The following USP37 variants were observed in gnomAD, a reference collection of about 807,000 sequenced individuals.
USP37 encodes the protein ubiquitin carboxyl-terminal hydrolase 37.
In USP37, 27 loss-of-function variants were observed where a neutral mutation model predicts 124.0. The observed-to-expected ratio is 0.22, with a 90% CI of 0.16 to 0.30. The LOEUF is 0.30. USP37 is among the 10% of genes least tolerant of loss of function. The probability of loss-of-function intolerance (pLI) is 1.00; values close to 1 mark genes in which losing one functional copy is unlikely to be tolerated. For synonymous variants in USP37, 365 were observed against 388.0 expected, an observed-to-expected ratio of 0.94 and a Z score of 0.70; for missense variants, 889 against 1,140.4, an observed-to-expected ratio of 0.78 and a Z score of 3.17.
chr2:218,498,415 A>C (rs1689186842), intron 11 of USP37: 2 of 247,584 alleles, frequency 8.1e-6, no homozygotes, highest in Non-Finnish European at 1.5e-5. Flanking sequence ...CTCTACTTTG[A>C]GAACTACTGC....
chr2:218,476,957 G>A lies in USP37; in HGVS notation c.1926C>T (p.Ser642=), dbSNP rs568738651. ...PSKKFTFKSK[S]SLALCLDSDS... is the part of the protein sequence containing the mutation. ...CTGAATCAAGGCATAAAGCCAAGGAGCTCTTGGATTTGAAGGTGAATTTCC... is the reference window on the plus strand; with the variant it reads ...CTGAATCAAGGCATAAAGCCAAGGAACTCTTGGATTTGAAGGTGAATTTCC... The change falls in exon 19 of 26, where the codon AGC becomes AGT. Residue 642 remains serine, a synonymous_variant. Coordinates refer to ENST00000258399, the MANE Select transcript of USP37 (RefSeq NM_020935.3). 1.3e-6 allele frequency: 2 copies of A among 1,525,200 alleles called. No individual in the cohort carries two copies. Among genetic ancestry groups the A allele is most frequent in the East Asian group, 2.4e-5 (1 of 41,008 alleles). 94.5% of individuals were successfully genotyped at this position (1,525,200 alleles called of 1,614,324 possible). A position where few individuals can be genotyped will look rare whatever the true frequency, so the allele number is the denominator to read the frequency against.
At chr2:218,500,119 G>C (rs1197204450) in intron 11 of USP37, among the ~76,000 whole-genome samples, 1 of 151,972 alleles carries the variant, frequency 6.6e-6, no homozygotes, top group Non-Finnish European at 1.5e-5. Flanking sequence ...CTGTTGCCCA[G>C]GATGGAGTGT....
At chr2:218,483,265 T>A (rs1691360664) in intron 16 of USP37, among the ~76,000 whole-genome samples, 1 of 152,056 alleles carries the variant, frequency 6.6e-6, no homozygotes, top group African/African-American at 2.4e-5. Flanking sequence ...CTGCCTATAG[T>A]GTAGCCCTGC....
intron 21 of USP37, among the ~76,000 whole-genome samples, chr2:218,464,609 T>C (rs1388192226): frequency 2.0e-5 from 3 of 152,162 alleles, no homozygotes; most frequent in Non-Finnish European, 2.9e-5. Flanking sequence ...ACCCATTCAT[T>C]CTAGGGAGTC....
chr2:218,560,687 C>G (rs1032258171), intron 3 of USP37, 133 bp downstream of exon 3: 3 of 152,142 alleles, frequency 2.0e-5, no homozygotes, highest in African/African-American at 7.2e-5. Flanking sequence ...AAATAGCGAA[C>G]CTAGCATTGC....
At chr2:218,467,824 A>G (rs1690437121) in intron 20 of USP37, among the ~76,000 whole-genome samples, 1 of 151,888 alleles carries the variant, frequency 6.6e-6, no homozygotes, top group East Asian at 1.9e-4. Context: ...GCTAAAATAA[A>G]CAGAATAGTT....
intron 20 of USP37, among the ~76,000 whole-genome samples, chr2:218,470,097 G>C (rs549183914): frequency 1.5e-4 from 23 of 152,268 alleles, no homozygotes; most frequent in African/African-American, 5.5e-4. Context: ...TGGGATTACA[G>C]GCGTGAGCCA....
chr2:218,561,135 G>C (rs1395221631), intron 2 of USP37, among the ~76,000 whole-genome samples: 1 of 152,200 alleles, frequency 6.6e-6, no homozygotes, highest in Non-Finnish European at 1.5e-5. Context: ...ACAGAAACTT[G>C]AGCCAGCAAT....
intron 14 of USP37, among the ~76,000 whole-genome samples, chr2:218,489,100 G>A (rs1417824006): frequency 3.3e-5 from 5 of 151,186 alleles, no homozygotes; most frequent in Non-Finnish European, 4.4e-5. Context: ...GCTGGTGCCT[G>A]TAATCCCAGC....
At chr2:218,474,934 A>G in intron 19 of USP37, 49 bp from the exon 20 acceptor site, 1 of 1,546,602 alleles carries the variant, frequency 6.5e-7, no homozygotes, top group Non-Finnish European at 8.7e-7. Context: ...CTACAAATAT[A>G]GCAATCTTAA....
chr2:218,562,581 A>C (rs1693364946), intron 2 of USP37, 92 bp downstream of exon 2: 2 of 395,316 alleles, frequency 5.1e-6, no homozygotes, highest in Admixed American at 4.4e-5. Flanking sequence ...CAAAACACAA[A>C]AACTATTACT....
chr2:218,476,438 G>C (rs573069315), intron 19 of USP37, among the ~76,000 whole-genome samples: 2 of 149,986 alleles, frequency 1.3e-5, no homozygotes, highest in South Asian at 4.2e-4. Context: ...AGCCAGGCAT[G>C]GTGGTACATG....
chr2:218,536,469 AGT>A (rs1691649789), intron 8 of USP37, among the ~76,000 whole-genome samples: 2 of 152,330 alleles, frequency 1.3e-5, no homozygotes, highest in South Asian at 4.1e-4. Context: ...GTAATCTCAG[AGT>A]CACAAACAAG....
intron 8 of USP37, among the ~76,000 whole-genome samples, chr2:218,541,950 C>CA (rs1291988928): frequency 1.3e-5 from 2 of 152,132 alleles, no homozygotes; most frequent in Non-Finnish European, 2.9e-5. Context: ...CAGAGGACTG[C>CA]ATTTAACTAC....
At position 218,463,853 on chromosome 2, in the gene USP37, GATT is replaced by G. The variant is rs1690166055; in HGVS notation, c.2467-490_2467-488del. 2.3e-5 allele frequency among the ~76,000 whole-genome samples: 3 copies of G among 129,206 alleles called. 1 individual carries two copies. Among genetic ancestry groups the G allele is most frequent in the Non-Finnish European group, 3.2e-5 (2 of 62,084 alleles). The allele number at this position is 129,206 out of a possible 152,430, so 84.8% of individuals were successfully genotyped here. A position where few individuals can be genotyped will look rare whatever the true frequency, so the allele number is the denominator to read the frequency against. ...CCCGGCCCACTCCAGTATTTTTTAA[GATT>G]TTTTTTTTTTTTTTTTTTGAGAGGG... is the stretch of plus-strand genomic sequence containing the variant. On this transcript the variant is annotated intron_variant, in intron 21 of 25. Coordinates refer to ENST00000258399, the MANE Select transcript of USP37 (RefSeq NM_020935.3).
intron 14 of USP37, among the ~76,000 whole-genome samples, 153 bp downstream of exon 14, chr2:218,495,607 G>C (rs1689042079): frequency 6.6e-6 from 1 of 152,184 alleles, no homozygotes; most frequent in South Asian, 2.1e-4. Flanking sequence ...AATAAGCTGG[G>C]GTTGTGCCAC....
Position 218,567,737 on chromosome 2 carries a change from G to C in USP37, c.-230+441C>G, listed in dbSNP as rs571131750. On this transcript the variant is annotated intron_variant, in intron 1 of 25. Transcript: ENST00000258399. ...AACCTGATCTGGCGGCTAGAAATGG[G>C]CGCAAGGAAATGCACAACAAAAATA... 2.3e-4 allele frequency among the ~76,000 whole-genome samples: 35 copies of C among 152,302 alleles called. No individual in the cohort carries two copies. In the Middle Eastern group the frequency reaches 0.014, roughly 59 times the overall value.
chr2:218,494,127 T>C (rs1408616085), intron 14 of USP37, among the ~76,000 whole-genome samples: 1 of 152,210 alleles, frequency 6.6e-6, no homozygotes, highest in African/African-American at 2.4e-5. Context: ...AAAAGTCTGA[T>C]GAAGTCCTGA....
rs1221614190 is a variant in USP37, at chr2:218,475,924, T to G, written c.2043+916A>C. On this transcript the variant is annotated intron_variant, in intron 19 of 25. Coordinates refer to ENST00000258399, the MANE Select transcript of USP37 (RefSeq NM_020935.3). Reference sequence around the variant, plus strand: ...CTGGGCAACAGAGTGAGACTCCGTCTCAAAAAAAAAAAAAGATTATGTAAA... The same window carrying G: ...CTGGGCAACAGAGTGAGACTCCGTCGCAAAAAAAAAAAAAGATTATGTAAA... Among the ~76,000 whole-genome samples the G allele has an allele frequency of 3.7e-5, 3 of 80,148 alleles. No homozygotes were observed. The Admixed American group carries it at 3.8e-4, about 10-fold the overall frequency. The allele number at this position is 80,148 out of a possible 152,430, so 52.6% of individuals were successfully genotyped here.
Sources: allele counts gnomAD v4.1 joint callset (sites outside exome capture counted in the v4.1 genomes callset), GRCh38; gene constraint gnomAD v4.1.1; transcripts MANE v1.5; gene names NCBI Gene and HGNC (gene_info 2026-07-23, HGNC 2026-07-21).